The following KNL1 variants were observed in gnomAD, a reference collection of about 807,000 sequenced individuals.
KNL1 encodes the protein kinetochore scaffold 1, also known as outer kinetochore KNL1 complex subunit KNL1.
KNL1 carries 66 observed loss-of-function variants against 201.3 expected under a neutral mutation model. The ratio of observed to expected loss-of-function variants is 0.33; its 90% CI spans 0.27 to 0.40. The LOEUF is 0.40. KNL1 is among the 10% of genes least tolerant of loss of function. KNL1 has a pLI of 1.00. For missense variants in KNL1, 2,815 were observed against 2,690.5 expected (o/e 1.05, Z -1.02); for synonymous variants, 895 against 899.2 (o/e 1.00, Z 0.08).
At chr15:40,615,630 G>A (rs1220263164) in intron 8 of KNL1, 1 of 177,676 alleles carries the variant, frequency 5.6e-6, no homozygotes, top group Admixed American at 6.5e-5. Context: ...AGCTGGGCGT[G>A]GTGGTGCGCT....
In KNL1 at chr15:40,624,384, A is replaced by G. The variant is rs772034290; in HGVS notation, c.4120A>G (p.Ser1374Gly). ...AGAGAAGGAAGAAGTTATTCAAACC[A>G]GTACCAAAGGACAGTTAGACTGTGT... ...LLEKEEVIQT[S>G]TKGQLDCVIT... The change falls in exon 10 of 26, where the codon AGT becomes GGT. Residue 1374 changes from serine (S) to glycine (G), a missense_variant. Ser to Gly is a moderately conservative substitution (Grantham distance 56). Coordinates refer to ENST00000399668, the MANE Select transcript of KNL1 (RefSeq NM_144508.5). 4.3e-6 allele frequency: 7 copies of G among 1,613,902 alleles called. No individual in the cohort carries two copies. Among genetic ancestry groups the G allele is most frequent in the Non-Finnish European group, 8.5e-7 (1 of 1,179,920 alleles).
At chr15:40,594,787 C>CTT (rs935960036) in intron 1 of KNL1, among the ~76,000 whole-genome samples, 1 of 152,176 alleles carries the variant, frequency 6.6e-6, no homozygotes, top group African/African-American at 2.4e-5. Context: ...CTCACTTAAG[C>CTT]TTTTTTTGGC....
intron 1 of KNL1, among the ~76,000 whole-genome samples, chr15:40,600,557 A>C (rs1160341609): frequency 6.6e-6 from 1 of 152,228 alleles, no homozygotes; most frequent in East Asian, 1.9e-4. Flanking sequence ...TTATAATCCC[A>C]GCACTTTGGA....
intron 17 of KNL1, among the ~76,000 whole-genome samples, chr15:40,648,821 T>C (rs971086890): frequency 7.2e-6 from 1 of 139,524 alleles, no homozygotes. Context: ...AAGTCCAAAC[T>C]TAACTTTCTT....
At chr15:40,631,836 C>T (rs1241721185) in intron 13 of KNL1, among the ~76,000 whole-genome samples, 1 of 151,820 alleles carries the variant, frequency 6.6e-6, no homozygotes, top group Non-Finnish European at 1.5e-5. Flanking sequence ...TAGGGAGACC[C>T]TGTTTCTACA....
intron 4 of KNL1, among the ~76,000 whole-genome samples, 199 bp from the exon 5 acceptor site, chr15:40,608,648 G>C (rs1435640410): frequency 6.6e-6 from 1 of 151,466 alleles, no homozygotes; most frequent in Admixed American, 6.6e-5. Context: ...GGGAGGCTGA[G>C]GCAGGAGAAT....
intron 1 of KNL1, among the ~76,000 whole-genome samples, chr15:40,602,569 C>G (rs895155991): frequency 5.4e-5 from 8 of 147,098 alleles, no homozygotes; most frequent in African/African-American, 2.0e-4. Flanking sequence ...TCACCGCAAC[C>G]TCCGCGTCCT....
Position 40,623,485 on chromosome 15 carries a change from A to G in KNL1, c.3221A>G (p.Lys1074Arg). ...RRKSLKLKND[K>R]TIVFSENHKN... ...AAAAGCCTTAAGCTAAAAAATGACA[A>G]GACCATTGTATTTTCAGAGAATCAT... is the stretch of plus-strand genomic sequence containing the variant. The change falls in exon 10 of 26, where the codon AAG becomes AGG. Residue 1074 changes from lysine (K) to arginine (R), a missense_variant. Coordinates refer to ENST00000399668, the MANE Select transcript of KNL1 (RefSeq NM_144508.5). 1 of 1,612,190 alleles carries G rather than the reference A, an allele frequency of 6.2e-7. No individual in the cohort carries two copies. Among genetic ancestry groups the G allele is most frequent in the South Asian group, 1.1e-5 (1 of 90,932 alleles).
intron 8 of KNL1, among the ~76,000 whole-genome samples, chr15:40,617,250 A>G (rs901322594): frequency 1.3e-5 from 2 of 152,196 alleles, no homozygotes; most frequent in Admixed American, 6.5e-5. Flanking sequence ...CTCAGCCCCT[A>G]TATGCATTTA....
At chr15:40,661,086 C>T (rs78325483) in intron 25 of KNL1, among the ~76,000 whole-genome samples, 3,016 of 151,514 alleles carry the variant, frequency 0.02, 99 homozygotes, top group African/African-American at 0.07. Context: ...AAAATGTGCT[C>T]ACCTAGGCCG....
chr15:40,623,328 T>C lies in KNL1; in HGVS notation c.3064T>C (p.Ser1022Pro). ...DSQLTPLEEWSNNRGPVEVAD... is the reference protein window; with the variant it reads ...DSQLTPLEEWPNNRGPVEVAD... ...CCAGCTAACCCCTCTGGAGGAATGG[T>C]CTAATAATAGGGGCCCTGTAGAGGT... Residue 1022 changes from serine (S) to proline (P), a missense_variant, in exon 10 of 26, where the codon TCT becomes CCT. Physicochemically the swap from Ser to Pro is moderately conservative, Grantham distance 74. Coordinates refer to ENST00000399668, the MANE Select transcript of KNL1 (RefSeq NM_144508.5). The C allele has an allele frequency of 6.2e-7, 1 of 1,613,896 alleles. No individual in the cohort carries two copies. Among genetic ancestry groups the C allele is most frequent in the Non-Finnish European group, 8.5e-7 (1 of 1,179,882 alleles).
intron 1 of KNL1, among the ~76,000 whole-genome samples, chr15:40,602,123 G>A (rs1891819071): frequency 6.6e-6 from 1 of 150,816 alleles, no homozygotes; most frequent in African/African-American, 2.4e-5. Context: ...TCCGCCTCCC[G>A]GGTTCACGCC....
In KNL1 at chr15:40,623,838, G is replaced by A. The variant is rs377280697; in HGVS notation, c.3574G>A (p.Gly1192Arg). 1.2e-6 allele frequency: 2 copies of A among 1,613,246 alleles called. No homozygotes were observed. The highest frequency in any genetic ancestry group is 4.5e-5 in the East Asian group (2 of 44,870). Residue 1192 changes from glycine (G) to arginine (R), a missense_variant, in exon 10 of 26, where the codon GGA (glycine) becomes AGA (arginine). Coordinates refer to ENST00000399668, the MANE Select transcript of KNL1 (RefSeq NM_144508.5). ...TGAAGAAAACCCTAAATTTGGAATAGGAAAAGGAAAAAACTTGGGTGTTTC... is the reference window on the plus strand; with the variant it reads ...TGAAGAAAACCCTAAATTTGGAATAAGAAAAGGAAAAAACTTGGGTGTTTC... ...ILEENPKFGI[G>R]KGKNLGVSFP...
At chr15:40,594,787 C>CT (rs935960036) in intron 1 of KNL1, among the ~76,000 whole-genome samples, 43 of 152,292 alleles carry the variant, frequency 2.8e-4, no homozygotes, top group African/African-American at 1.0e-3. Context: ...CTCACTTAAG[C>CT]TTTTTTTGGC....
rs1892648616 is a variant in KNL1 at position 40,624,061 on chromosome 15, C to T, written c.3797C>T (p.Thr1266Ile). Residue 1266 changes from threonine to isoleucine, a missense_variant, in exon 10 of 26, where the codon ACA (threonine) becomes ATA (isoleucine). Thr to Ile is a moderately conservative substitution (Grantham distance 89). Around this residue, in one of 3 missense-constraint regions of KNL1, gnomAD observed 2,464 missense variants for 2,291.7 expected, o/e 1.08. Coordinates refer to ENST00000399668, the MANE Select transcript of KNL1 (RefSeq NM_144508.5). ...VIGKVVDQAC[T>I]LEKAQVESCQ... is the part of the protein sequence containing the mutation. ...GGGAAAGTTGTAGACCAGGCCTGTA[C>T]ATTGGAAAAAGCGCAAGTTGAAAGC... 4 of 1,613,852 alleles carry T rather than the reference C, an allele frequency of 2.5e-6. No homozygotes were observed. The highest frequency in any genetic ancestry group is 2.7e-5 in the African/African-American group (2 of 74,872).
chr15:40,625,842 G>A (rs1054854952), intron 10 of KNL1: 24 of 482,070 alleles, frequency 5.0e-5, no homozygotes, highest in African/African-American at 4.1e-4. Context: ...GCAATTTAAA[G>A]TGACAAATAG....
Position 40,621,790 on chromosome 15 carries a change from C to A in KNL1, c.1526C>A (p.Ala509Glu). Reference sequence around the variant, plus strand: ...CAAGATCAATCAAATGTGCAAATAGCAGCTGCACCAACACCCGAAAAAGAA... The same window carrying A: ...CAAGATCAATCAAATGTGCAAATAGAAGCTGCACCAACACCCGAAAAAGAA... ...FKQDQSNVQI[A>E]AAPTPEKEMM... Residue 509 changes from alanine to glutamate, a missense_variant, in exon 10 of 26, where the codon GCA becomes GAA. Ala to Glu is a moderately radical substitution (Grantham distance 107). This residue lies in a region of KNL1 where 2,464 missense variants were observed against 2,291.7 expected (regional missense o/e 1.08). Coordinates refer to ENST00000399668, the MANE Select transcript of KNL1 (RefSeq NM_144508.5). 6.2e-7 allele frequency: 1 copy of A among 1,613,502 alleles called. No homozygotes were observed. The highest frequency in any genetic ancestry group is 8.5e-7 in the Non-Finnish European group (1 of 1,179,476).
rs762120581 is a variant in KNL1 at position 40,621,328 on chromosome 15, C to A, written c.1064C>A (p.Thr355Asn). 57 of 1,613,108 alleles carry A rather than the reference C, an allele frequency of 3.5e-5. No individual in the cohort carries two copies. Among genetic ancestry groups the A allele is most frequent in the Non-Finnish European group, 4.6e-5 (54 of 1,179,624 alleles). The change falls in exon 10 of 26, where the codon ACT becomes AAT. Residue 355 changes from threonine (T) to asparagine (N), a missense_variant. By Grantham distance (65) the Thr-to-Asn change is moderately conservative. Around this residue, in one of 3 missense-constraint regions of KNL1, gnomAD observed 2,464 missense variants for 2,291.7 expected, o/e 1.08. Coordinates refer to ENST00000399668, the MANE Select transcript of KNL1 (RefSeq NM_144508.5). ...ATGGATGTAACAACAGGTTATGGAA[C>A]TAAAGCTTCAGGAAATAAAACAGTT... ...NAMDVTTGYG[T>N]KASGNKTVFK...
In KNL1 at chr15:40,663,082, C is replaced by T. The variant is rs1036430151; in HGVS notation, c.*894C>T. 2.5e-5 allele frequency: 4 copies of T among 162,322 alleles called. No homozygotes were observed. The highest frequency in any genetic ancestry group is 2.0e-4 in the South Asian group (1 of 4,900). The allele number at this position is 162,322 out of a possible 1,614,324, so 10.1% of individuals were successfully genotyped here. A position where few individuals can be genotyped will look rare whatever the true frequency, so the allele number is the denominator to read the frequency against. On this transcript the variant is annotated 3_prime_UTR_variant, in exon 26 of 26. Transcript: ENST00000399668. Reference sequence around the variant, plus strand: ...GTTTTCTTTTTCTTTTTTTTTGAGACGGAGTCTTGCTCTGTCGCCCAGGCT... The same window carrying T: ...GTTTTCTTTTTCTTTTTTTTTGAGATGGAGTCTTGCTCTGTCGCCCAGGCT...
Sources: gnomAD v4.1 joint callset for allele counts (sites outside exome capture counted in the v4.1 genomes callset) on GRCh38, gnomAD v4.1.1 for gene constraint, gnomAD v4.1.1 regional missense constraint, MANE v1.5 for transcripts, NCBI Gene and HGNC (gene_info 2026-07-23, HGNC 2026-07-21) for gene names.